SGIP1: variants seen among roughly 807,000 people sequenced by gnomAD.
The protein encoded by SGIP1 is SH3GL interacting endocytic adaptor 1, also known as SH3-containing GRB2-like protein 3-interacting protein 1.
Under a neutral mutation model 107.5 loss-of-function variants are expected in SGIP1, and 38 were observed. The ratio of observed to expected loss-of-function variants is 0.35; its 90% CI spans 0.27 to 0.46. The LOEUF (loss-of-function observed/expected upper bound fraction) is 0.46. SGIP1 is among the 20% of genes least tolerant of loss of function. The pLI, the probability that SGIP1 is intolerant of heterozygous loss-of-function variation, is 1.00. For synonymous variants in SGIP1, 365 were observed against 366.1 expected (o/e 1.00, Z 0.03); for missense variants, 929 against 1,019.5 (o/e 0.91, Z 1.21).
At chr1:66,678,732 G>C (rs2085935630) in intron 13 of SGIP1, among the ~76,000 whole-genome samples, 1 of 152,082 alleles carries the variant, frequency 6.6e-6, no homozygotes, top group Admixed American at 6.6e-5. Context: ...GGGAGGAGGA[G>C]GGAGGAATGA....
At position 66,676,988 on chromosome 1, in the gene SGIP1, T is replaced by C. The variant is rs2085526361; in HGVS notation, c.647-16T>C. The C allele has an allele frequency of 5.7e-6, 9 of 1,589,814 alleles. No individual in the cohort carries two copies. Among genetic ancestry groups the C allele is most frequent in the Admixed American group, 1.8e-5 (1 of 54,590 alleles). On this transcript the variant is annotated splice_polypyrimidine_tract_variant and intron_variant, in intron 12 of 24. Transcript: ENST00000371037. The stretch of plus-strand genomic sequence containing the variant: ...TTTTTTAACTCACCCTGGGAAATCT[T>C]CTTTTTTGTTTCCAGTTCTTTTAGA...
At chr1:66,631,051 GAAAGAAAGA>G (rs1558136557) in intron 2 of SGIP1, among the ~76,000 whole-genome samples, 10 of 68,918 alleles carry the variant, frequency 1.5e-4, no homozygotes, top group African/African-American at 4.5e-4. Context: ...AAGGAAGAAA[GAAAGAAAGA>G]AAGAAAGAAA....
At chr1:66,693,191 A>T (rs2031477) in intron 17 of SGIP1, among the ~76,000 whole-genome samples, 70,662 of 151,376 alleles carry the variant, frequency 0.47, 17,182 homozygotes, top group East Asian at 0.72. Flanking sequence ...GGAGGATTAC[A>T]TGACCCCAGG....
At chr1:66,690,365 AT>A (rs751786187) in intron 17 of SGIP1, 49 bp downstream of exon 17, 2 of 1,607,230 alleles carry the variant, frequency 1.2e-6, no homozygotes, top group Non-Finnish European at 1.7e-6. Flanking sequence ...TTGACTGGCT[AT>A]TTTTTATGAT....
chr1:66,656,254 C>T (rs1344682055), intron 7 of SGIP1, among the ~76,000 whole-genome samples: 2 of 152,212 alleles, frequency 1.3e-5, no homozygotes, highest in East Asian at 1.9e-4. Flanking sequence ...GGGGCAATAA[C>T]ACACATGGAG....
intron 1 of SGIP1, among the ~76,000 whole-genome samples, chr1:66,620,194 C>T (rs2070605050): frequency 1.3e-5 from 2 of 152,090 alleles, no homozygotes; most frequent in African/African-American, 4.8e-5. Flanking sequence ...CTCTTAAAGC[C>T]AGGAAATTCT....
chr1:66,592,868 C>A (rs371538033), intron 1 of SGIP1, among the ~76,000 whole-genome samples: 1 of 130,082 alleles, frequency 7.7e-6, no homozygotes, highest in East Asian at 2.1e-4. Flanking sequence ...TCCTTCCTTC[C>A]TTTCTTTCCT....
At chr1:66,577,682 G>A (rs1346542887) in intron 1 of SGIP1, among the ~76,000 whole-genome samples, 1 of 151,900 alleles carries the variant, frequency 6.6e-6, no homozygotes, top group Admixed American at 6.6e-5. Context: ...TTTGAACATA[G>A]GAAGTGCTCA....
intron 18 of SGIP1, among the ~76,000 whole-genome samples, chr1:66,711,145 T>C (rs970643770): frequency 1.3e-5 from 2 of 152,186 alleles, no homozygotes; most frequent in East Asian, 3.8e-4. Flanking sequence ...TATGACAGCT[T>C]AGAATCTTAA....
At chr1:66,539,864 G>C (rs1340030789) in intron 1 of SGIP1, among the ~76,000 whole-genome samples, 1 of 150,618 alleles carries the variant, frequency 6.6e-6, no homozygotes, top group African/African-American at 2.5e-5. Context: ...TCTCTCCTCA[G>C]AGCTGTGTTT....
At chr1:66,737,741 A>G (rs1385393166) in intron 21 of SGIP1, among the ~76,000 whole-genome samples, 1 of 152,190 alleles carries the variant, frequency 6.6e-6, no homozygotes, top group Non-Finnish European at 1.5e-5. Context: ...GTGAAATGTC[A>G]ACAGTCCTAG....
intron 2 of SGIP1, among the ~76,000 whole-genome samples, chr1:66,630,853 A>AGAGAGAGAGAGAGAG (rs1558133316): frequency 3.1e-5 from 1 of 32,694 alleles, no homozygotes; most frequent in African/African-American, 1.6e-4. Flanking sequence ...GAAAGAAAGA[A>AGAGAGAGAGAGAGAG]AGAAAGAAAG....
intron 7 of SGIP1, among the ~76,000 whole-genome samples, chr1:66,657,646 G>A (rs569576578): frequency 1.3e-5 from 2 of 152,114 alleles, no homozygotes; most frequent in South Asian, 2.1e-4. Flanking sequence ...CTTGAAAGCT[G>A]TTGATTATGG....
intron 18 of SGIP1, among the ~76,000 whole-genome samples, chr1:66,704,034 T>C (rs1234083389): frequency 6.6e-6 from 1 of 152,038 alleles, no homozygotes; most frequent in Non-Finnish European, 1.5e-5. Context: ...ATGGCAGCTC[T>C]TTCACAGGGC....
chr1:66,574,935 C>T (rs2060863987), intron 1 of SGIP1, among the ~76,000 whole-genome samples: 1 of 152,122 alleles, frequency 6.6e-6, no homozygotes, highest in Admixed American at 6.5e-5. Flanking sequence ...TTTATGAAAC[C>T]ATGGTGCTAG....
At chr1:66,655,217 C>G (rs2079509252) in intron 7 of SGIP1, among the ~76,000 whole-genome samples, 1 of 151,974 alleles carries the variant, frequency 6.6e-6, no homozygotes, top group South Asian at 2.1e-4. Context: ...AAGATTCCCC[C>G]ATCCCTAGAC....
intron 1 of SGIP1, among the ~76,000 whole-genome samples, chr1:66,585,300 G>T (rs1375050446): frequency 1.3e-5 from 2 of 152,068 alleles, no homozygotes; most frequent in Non-Finnish European, 2.9e-5. Context: ...GTTTTGTGCT[G>T]AACTCTACAT....
At chr1:66,716,660 T>C (rs895113686) in intron 18 of SGIP1, among the ~76,000 whole-genome samples, 1 of 152,100 alleles carries the variant, frequency 6.6e-6, no homozygotes, top group Admixed American at 6.6e-5. Flanking sequence ...TAACCCCAGT[T>C]CCAGGACCCC....
chr1:66,719,320 A>G lies in SGIP1; in HGVS notation c.1657A>G (p.Thr553Ala). The G allele has an allele frequency of 1.2e-6, 2 of 1,613,334 alleles. No individual in the cohort carries two copies. Among genetic ancestry groups the G allele is most frequent in the South Asian group, 1.1e-5 (1 of 91,014 alleles). The change falls in exon 19 of 25, where the codon ACC becomes GCC. Residue 553 changes from threonine (T) to alanine (A), a missense_variant. This residue lies in a region of SGIP1 where 341 missense variants were observed against 430.9 expected (regional missense o/e 0.79). Coordinates refer to ENST00000371037, the MANE Select transcript of SGIP1 (RefSeq NM_032291.4). Reference protein sequence around the residue: ...EGSSRGPSPLTMGAQDTLPVA... With the variant: ...EGSSRGPSPLAMGAQDTLPVA... The stretch of plus-strand genomic sequence containing the variant: ...TTCTTCCAGGGGACCCAGCCCCCTA[A>G]CCATGGGAGCTCAGGACACTCTCCC...
Sources: gnomAD v4.1 joint callset for allele counts (sites outside exome capture counted in the v4.1 genomes callset) on GRCh38, gnomAD v4.1.1 for gene constraint, gnomAD v4.1.1 regional missense constraint, MANE v1.5 for transcripts, NCBI Gene and HGNC (gene_info 2026-07-23, HGNC 2026-07-21) for gene names.